FCHO1: variants seen among roughly 807,000 people sequenced by gnomAD.
FCHO1 encodes the protein FCH and mu domain containing endocytic adaptor 1.
FCHO1 carries 45 observed loss-of-function variants against 114.4 expected under a neutral mutation model. The ratio of observed to expected loss-of-function variants is 0.39; its 90% CI spans 0.31 to 0.50. The LOEUF (loss-of-function observed/expected upper bound fraction) is 0.50. Ranked by LOEUF, FCHO1 falls within the 20% of genes least tolerant of loss-of-function variation. FCHO1 has a pLI of 0.77. For missense variants in FCHO1, 1,042 were observed against 1,209.6 expected (o/e 0.86, Z 2.06); for synonymous variants, 480 against 488.9 (o/e 0.98, Z 0.24).
intron 23 of FCHO1, among the ~76,000 whole-genome samples, chr19:17,782,515 T>C (rs2093516198): frequency 6.6e-6 from 1 of 152,124 alleles, no homozygotes; most frequent in Non-Finnish European, 1.5e-5. Flanking sequence ...TAGGAGAGCA[T>C]TTAAGCAGGG....
rs117311866 is a variant in FCHO1, at chr19:17,757,405, G to A, written c.27+2214G>A. Among the ~76,000 whole-genome samples the A allele has an allele frequency of 7.9e-5, 12 of 152,184 alleles. No individual in the cohort carries two copies. In the East Asian group the frequency reaches 2.3e-3, roughly 30 times the overall value. On this transcript the variant is annotated intron_variant, in intron 4 of 28. Coordinates refer to ENST00000596536, the MANE Select transcript of FCHO1 (RefSeq NM_015122.3). ...GACCCAGATGCTGCTCTGGGCGGTG[G>A]TGCCTGGTGCAGCCTCACCCGAGGA...
At chr19:17,768,216 GC>G (rs2146838768) in intron 7 of FCHO1, among the ~76,000 whole-genome samples, 1 of 152,226 alleles carries the variant, frequency 6.6e-6, no homozygotes, top group South Asian at 2.1e-4. Context: ...TTACAGGTGT[GC>G]TGGTGCACGC....
At position 17,784,717 on chromosome 19, in the gene FCHO1, C is replaced by A; in HGVS notation, c.2227-8C>A. On this transcript the variant is annotated splice_polypyrimidine_tract_variant and splice_region_variant and intron_variant, in intron 25 of 28. Coordinates refer to ENST00000596536, the MANE Select transcript of FCHO1 (RefSeq NM_015122.3). The surrounding 1 kb of genome is among the most constrained non-coding windows in gnomAD (Gnocchi z 5.3). ...CTGTGTCCTCTCTCTCATTCTCATTCTTCCTAGTTCTCCCGCCCGGGTCCC... is the reference window on the plus strand; with the variant it reads ...CTGTGTCCTCTCTCTCATTCTCATTATTCCTAGTTCTCCCGCCCGGGTCCC... 1.9e-6 allele frequency: 3 copies of A among 1,613,758 alleles called. No individual in the cohort carries two copies. The highest frequency in any genetic ancestry group is 1.7e-6 in the Non-Finnish European group (2 of 1,179,860).
Position 17,770,521 on chromosome 19 carries a change from T to C in FCHO1, c.433T>C (p.Cys145Arg). 2 of 1,613,932 alleles carry C rather than the reference T, an allele frequency of 1.2e-6. No individual in the cohort carries two copies. The highest frequency in any genetic ancestry group is 8.5e-7 in the Non-Finnish European group (1 of 1,179,864). ...GTCCCGCGAGAACTACCTGAACCGTTGCATGGACCAGGAGCGGCTGCGGAG... is the reference window on the plus strand; with the variant it reads ...GTCCCGCGAGAACTACCTGAACCGTCGCATGGACCAGGAGCGGCTGCGGAG... ...PKSRENYLNR[C>R]MDQERLRRES... is the part of the protein sequence containing the mutation. Residue 145 changes from cysteine to arginine, a missense_variant, in exon 8 of 29, where the codon TGC becomes CGC. Cys to Arg is a radical substitution (Grantham distance 180, BLOSUM62 -3). Around this residue, in one of 3 missense-constraint regions of FCHO1, gnomAD observed 450 missense variants for 564.1 expected, o/e 0.80. Coordinates refer to ENST00000596536, the MANE Select transcript of FCHO1 (RefSeq NM_015122.3).
chr19:17,751,473 A>G (rs1268647755), upstream of FCHO1: 4 of 151,926 alleles, frequency 2.6e-5, no homozygotes, highest in Non-Finnish European at 4.4e-5. This position sits in a 1 kb window ranked among gnomAD's most constrained non-coding sequence, Gnocchi z 4.4. Context: ...CCCCCAACCC[A>G]TGCACACAAG....
At chr19:17,749,454 C>T (rs1376272503), upstream of FCHO1, among the ~76,000 whole-genome samples, 20 of 151,948 alleles carry the variant, frequency 1.3e-4, no homozygotes, top group Admixed American at 1.3e-3. Flanking sequence ...CACAGCTGAC[C>T]AGGAGGAGGG....
Position 17,775,591 on chromosome 19 carries a change from A to G in FCHO1, c.1003+78A>G. 2.3e-6 allele frequency: 3 copies of G among 1,309,690 alleles called. No homozygotes were observed. 81.1% of individuals were successfully genotyped at this position (1,309,690 alleles called of 1,614,324 possible). On this transcript the variant is annotated intron_variant, in intron 15 of 28. Coordinates refer to ENST00000596536, the MANE Select transcript of FCHO1 (RefSeq NM_015122.3). This position sits in a 1 kb window ranked among gnomAD's most constrained non-coding sequence, Gnocchi z 5.1. ...TCTCCGTAATAACCAGTCCACCTTC[A>G]GCAGTCCTCTCTGTGTACATCCTGG...
Position 17,776,542 on chromosome 19 carries a change from TG to T in FCHO1, c.1208-91del. 1 of 1,439,692 alleles carries T rather than the reference TG, an allele frequency of 6.9e-7. No individual in the cohort carries two copies. The highest frequency in any genetic ancestry group is 9.8e-7 in the Non-Finnish European group (1 of 1,024,328). The allele number at this position is 1,439,692 out of a possible 1,614,324, so 89.2% of individuals were successfully genotyped here. ...TTGCTGATCACCTTGGGCAACTGGC[TG>T]GACACCCCCGAGCCTCGGTCCCTTG... On this transcript the variant is annotated intron_variant, in intron 17 of 28. Coordinates refer to ENST00000596536, the MANE Select transcript of FCHO1 (RefSeq NM_015122.3). The surrounding 1 kb of genome is among the most constrained non-coding windows in gnomAD (Gnocchi z 4.4).
rs2092629298 is a variant in FCHO1, at chr19:17,776,327, G to A, written c.1207+56G>A. 1 of 1,608,460 alleles carries A rather than the reference G, an allele frequency of 6.2e-7. No individual in the cohort carries two copies. ...GGATCCTAAGGAAGGGAGGCTATGGGTTTGGGCTTGAATCATAACTCCGTT... is the reference window on the plus strand; with the variant it reads ...GGATCCTAAGGAAGGGAGGCTATGGATTTGGGCTTGAATCATAACTCCGTT... On this transcript the variant is annotated intron_variant, in intron 17 of 28. Coordinates refer to ENST00000596536, the MANE Select transcript of FCHO1 (RefSeq NM_015122.3). The surrounding 1 kb of genome is among the most constrained non-coding windows in gnomAD (Gnocchi z 4.4).
Position 17,776,488 on chromosome 19 carries a change from G to A in FCHO1, c.1208-147G>A, listed in dbSNP as rs1053623006. The A allele has an allele frequency of 1.2e-5, 13 of 1,048,362 alleles. No individual in the cohort carries two copies. The highest frequency in any genetic ancestry group is 3.1e-5 in the African/African-American group (2 of 64,074). The allele number at this position is 1,048,362 out of a possible 1,614,324, so 64.9% of individuals were successfully genotyped here. ...GAAGCTAGCATCTGGAGACAGGCTC[G>A]CTTAGGCTTGAATCCATGTCTGCCT... On this transcript the variant is annotated intron_variant, in intron 17 of 28. Coordinates refer to ENST00000596536, the MANE Select transcript of FCHO1 (RefSeq NM_015122.3). The surrounding 1 kb of genome is among the most constrained non-coding windows in gnomAD (Gnocchi z 4.4).
intron 27 of FCHO1, 37 bp downstream of exon 27, chr19:17,786,666 G>GGGA: frequency 2.4e-5 from 12 of 496,970 alleles, no homozygotes; most frequent in Non-Finnish European, 4.5e-5. Context: ...GGGTGGGAGG[G>GGGA]ACTGGGGTCA....
At chr19:17,750,116 C>G (rs182996114), upstream of FCHO1, among the ~76,000 whole-genome samples, 61 of 152,168 alleles carry the variant, frequency 4.0e-4, no homozygotes, top group African/African-American at 1.4e-3. Flanking sequence ...TCACATGTCT[C>G]AGCCCCAGGT....
rs764148944 is a variant in FCHO1 at position 17,774,444 on chromosome 19, C to A, written c.886C>A (p.Arg296=). Reference sequence around the variant, plus strand: ...GGCCTTTCGCCTTCCAGGACTAAGCCGGCGGGAGCGGGAGCCAGAGCCACC... The same window carrying A: ...GGCCTTTCGCCTTCCAGGACTAAGCAGGCGGGAGCGGGAGCCAGAGCCACC... ...AKAFRLPGLS[R]REREPEPPAA... is the part of the protein sequence containing the mutation. Residue 296 remains arginine, a synonymous_variant, in exon 13 of 29, where the codon CGG becomes AGG. Coordinates refer to ENST00000596536, the MANE Select transcript of FCHO1 (RefSeq NM_015122.3). The A allele has an allele frequency of 8.7e-6, 14 of 1,613,682 alleles. No individual in the cohort carries two copies. In the South Asian group the frequency reaches 1.5e-4, roughly 18 times the overall value.
rs566843457 is a variant in FCHO1, at chr19:17,776,637, G to A, written c.1210G>A (p.Asp404Asn). The A allele has an allele frequency of 6.2e-7, 1 of 1,613,976 alleles. No individual in the cohort carries two copies. Among genetic ancestry groups the A allele is most frequent in the Non-Finnish European group, 8.5e-7 (1 of 1,179,966 alleles). ...TGAAGGAGGTGCATCTCTTGTAGGGGACGCTGCTGGGAAACCCCAGAGACC... is the reference window on the plus strand; with the variant it reads ...TGAAGGAGGTGCATCTCTTGTAGGGAACGCTGCTGGGAAACCCCAGAGACC... ...GGTMKRHSSR[D>N]AAGKPQRPRS... The change falls in exon 18 of 29, where the codon GAC (aspartate) becomes AAC (asparagine). Residue 404 changes from aspartate (D) to asparagine (N), a missense_variant and splice_region_variant. Physicochemically the swap from Asp to Asn is conservative, Grantham distance 23. This residue lies in a region of FCHO1 where 450 missense variants were observed against 564.1 expected (regional missense o/e 0.80). Transcript: ENST00000596536. This position sits in a 1 kb window ranked among gnomAD's most constrained non-coding sequence, Gnocchi z 4.4.
At position 17,775,541 on chromosome 19, in the gene FCHO1, G is replaced by A. The variant is rs149471035; in HGVS notation, c.1003+28G>A. ...ATCCTTCTGGCACCCCCTGGGGGCA[G>A]TTGTTGGCACAGCAAGGACAAAATT... is the stretch of plus-strand genomic sequence containing the variant. On this transcript the variant is annotated intron_variant, in intron 15 of 28. Transcript: ENST00000596536. The surrounding 1 kb of genome is among the most constrained non-coding windows in gnomAD (Gnocchi z 5.1). The A allele has an allele frequency of 5.8e-4, 929 of 1,608,544 alleles. 1 individual carries two copies. Among genetic ancestry groups the A allele is most frequent in the Middle Eastern group, 8.3e-4 (5 of 6,054 alleles).
At chr19:17,787,924 T>C (rs182504511) in intron 28 of FCHO1, 78 bp downstream of exon 28, 1 of 1,499,010 alleles carries the variant, frequency 6.7e-7, no homozygotes, top group Admixed American at 2.1e-5. Flanking sequence ...TGGGGAGGGA[T>C]TGGGGTGTGG....
chr19:17,766,595 C>G (rs960559920), intron 6 of FCHO1, 74 bp from the exon 7 acceptor site: 8 of 1,590,562 alleles, frequency 5.0e-6, no homozygotes, highest in Admixed American at 1.7e-5. Context: ...CAGCACATAC[C>G]TGAGCCAGTG....
At chr19:17,762,878 C>T in intron 5 of FCHO1, 25 bp downstream of exon 5, 4 of 1,506,742 alleles carry the variant, frequency 2.7e-6, no homozygotes, top group Middle Eastern at 1.9e-4. Flanking sequence ...CCCCATCCAC[C>T]AGAGGCCACG....
Position 17,776,831 on chromosome 19 carries a change from A to T in FCHO1, c.1259+145A>T. 1.3e-6 allele frequency: 1 copy of T among 750,494 alleles called. No homozygotes were observed. The highest frequency in any genetic ancestry group is 2.2e-6 in the Non-Finnish European group (1 of 459,024). 46.5% of individuals were successfully genotyped at this position (750,494 alleles called of 1,614,324 possible). On this transcript the variant is annotated intron_variant, in intron 18 of 28. Coordinates refer to ENST00000596536, the MANE Select transcript of FCHO1 (RefSeq NM_015122.3). This position sits in a 1 kb window ranked among gnomAD's most constrained non-coding sequence, Gnocchi z 4.4. ...TGTTTTTGTTTTTGTTTTGAGACAG[A>T]GTCTCACTCTGTCACCCAGGCTGGA...
Sources: gnomAD v4.1 joint callset for allele counts (sites outside exome capture counted in the v4.1 genomes callset) on GRCh38, gnomAD v4.1.1 for gene constraint, gnomAD v4.1.1 regional missense constraint, Gnocchi (gnomAD v3.1) non-coding constraint, MANE v1.5 for transcripts, NCBI Gene and HGNC (gene_info 2026-07-23, HGNC 2026-07-21) for gene names.